Variants in PHF3 observed in about 807,000 individuals in gnomAD.
The protein encoded by PHF3 is PHD finger protein 3.
Under a neutral mutation model 178.4 loss-of-function variants are expected in PHF3, and 41 were observed. The observed-to-expected ratio is 0.23, with a 90% CI of 0.18 to 0.30. PHF3 has a LOEUF of 0.30. PHF3 is among the 10% of genes least tolerant of loss of function. PHF3 has a pLI of 1.00. For missense variants in PHF3, 2,346 were observed against 2,398.1 expected, an observed-to-expected ratio of 0.98 and a Z score of 0.45; for synonymous variants, 842 against 800.5, an observed-to-expected ratio of 1.05 and a Z score of -0.88.
chr6:63,716,585 C>T lies in PHF3; in HGVS notation c.*2877C>T, dbSNP rs983770851. On this transcript the variant is annotated 3_prime_UTR_variant, in exon 16 of 16. Coordinates refer to ENST00000262043, the MANE Select transcript of PHF3 (RefSeq NM_001370348.2). ...CACACAAATTTATGATCTTACGGTT[C>T]TGTGGATCAGAAGTCTGTGCAGATC... Among the ~76,000 whole-genome samples, 5 of 152,064 alleles carry T rather than the reference C, an allele frequency of 3.3e-5. No individual in the cohort carries two copies. Among genetic ancestry groups the T allele is most frequent in the African/African-American group, 9.7e-5 (4 of 41,422 alleles).
chr6:63,686,309 A>C lies in PHF3; in HGVS notation c.2189+398A>C, dbSNP rs1204836419. ...TGAGAAGAACTAGTAATAAAGTATG[A>C]AGGTCATAATGGAAATTCTATTTTT... On this transcript the variant is annotated intron_variant, in intron 4 of 15. Coordinates refer to ENST00000262043, the MANE Select transcript of PHF3 (RefSeq NM_001370348.2). 9 of 165,314 alleles carry C rather than the reference A, an allele frequency of 5.4e-5. No individual in the cohort carries two copies. In the East Asian group the frequency reaches 1.5e-3, roughly 28 times the overall value. The allele number at this position is 165,314 out of a possible 1,614,324, so 10.2% of individuals were successfully genotyped here. A position where few individuals can be genotyped will look rare whatever the true frequency, so the allele number is the denominator to read the frequency against.
chr6:63,636,280 C>T (rs982771787), intron 1 of PHF3, 130 bp downstream of exon 1: 1 of 240,024 alleles, frequency 4.2e-6, no homozygotes, highest in Non-Finnish European at 8.0e-6. Flanking sequence ...TTTTCTCCCG[C>T]GCAGCCGAGA....
rs192014333 is a variant in PHF3 at position 63,691,384 on chromosome 6, C to A, written c.2190-353C>A. ...TGAAATTATTACCAAGATCTTACCACCCTTCTCAGTGGATAAATTTATTGT... is the reference window on the plus strand; with the variant it reads ...TGAAATTATTACCAAGATCTTACCAACCTTCTCAGTGGATAAATTTATTGT... On this transcript the variant is annotated intron_variant, in intron 4 of 15. Transcript: ENST00000262043. Among the ~76,000 whole-genome samples, 69 of 152,146 alleles carry A rather than the reference C, an allele frequency of 4.5e-4. 1 individual carries two copies. Among genetic ancestry groups the A allele is most frequent in the Admixed American group, 2.3e-3 (35 of 15,292 alleles).
intron 1 of PHF3, among the ~76,000 whole-genome samples, chr6:63,637,733 A>T (rs1764406667): frequency 6.6e-6 from 1 of 152,162 alleles, no homozygotes; most frequent in African/African-American, 2.4e-5. Context: ...TTTAGGAGTG[A>T]TGATTCCTCT....
At chr6:63,657,659 C>T (rs1051347357) in intron 2 of PHF3, among the ~76,000 whole-genome samples, 13 of 152,112 alleles carry the variant, frequency 8.5e-5, no homozygotes, top group African/African-American at 2.9e-4. Flanking sequence ...GTCTTGCTGT[C>T]GCACAGGTGG....
intron 2 of PHF3, among the ~76,000 whole-genome samples, chr6:63,666,417 A>AAT (rs1491364698): frequency 3.3e-5 from 5 of 151,712 alleles, no homozygotes; most frequent in Admixed American, 6.6e-5. Flanking sequence ...AATAATCTTT[A>AAT]ATATATATAT....
chr6:63,649,667 G>C (rs114582107), intron 2 of PHF3, among the ~76,000 whole-genome samples: 1,631 of 152,280 alleles, frequency 0.011, 20 homozygotes, highest in African/African-American at 0.038. Flanking sequence ...TGCTCTGTTG[G>C]ATACACAAAA....
At position 63,716,660 on chromosome 6, in the gene PHF3, C is replaced by T. The variant is rs1768198675; in HGVS notation, c.*2952C>T. ...GCAAGATGCATTCATTTTCTGGAGA[C>T]TTTCAGGGAGATTCCTTTTTTTTTG... is the stretch of plus-strand genomic sequence containing the variant. On this transcript the variant is annotated 3_prime_UTR_variant, in exon 16 of 16. Coordinates refer to ENST00000262043, the MANE Select transcript of PHF3 (RefSeq NM_001370348.2). 6.6e-6 allele frequency among the ~76,000 whole-genome samples: 1 copy of T among 151,920 alleles called. No individual in the cohort carries two copies. The highest frequency in any genetic ancestry group is 2.1e-4 in the South Asian group (1 of 4,814).
intron 2 of PHF3, among the ~76,000 whole-genome samples, chr6:63,656,087 A>G (rs1375770503): frequency 6.6e-6 from 1 of 152,234 alleles, no homozygotes; most frequent in East Asian, 1.9e-4. Flanking sequence ...CTAAAGTATC[A>G]CTTTATAAAT....
In PHF3 at chr6:63,685,512, G is replaced by A; in HGVS notation, c.1790G>A (p.Ser597Asn). 1 of 1,614,094 alleles carries A rather than the reference G, an allele frequency of 6.2e-7. No homozygotes were observed. Among genetic ancestry groups the A allele is most frequent in the Non-Finnish European group, 8.5e-7 (1 of 1,180,018 alleles). Residue 597 changes from serine to asparagine, a missense_variant, in exon 4 of 16, where the codon AGT becomes AAT. Physicochemically the swap from Ser to Asn is conservative, Grantham distance 46. Coordinates refer to ENST00000262043, the MANE Select transcript of PHF3 (RefSeq NM_001370348.2). ...QIFKPLTHSL[S>N]DKSHAHPGCL... Reference sequence around the variant, plus strand: ...TTCAAGCCCTTAACTCATTCTTTGAGTGATAAGTCACACGCTCATCCTGGT... The same window carrying A: ...TTCAAGCCCTTAACTCATTCTTTGAATGATAAGTCACACGCTCATCCTGGT...
intron 2 of PHF3, among the ~76,000 whole-genome samples, chr6:63,658,973 A>C (rs780737414): frequency 6.6e-6 from 1 of 152,040 alleles, no homozygotes; most frequent in Non-Finnish European, 1.5e-5. Flanking sequence ...GAAGACCTTT[A>C]CCTAATTGAT....
chr6:63,652,835 G>A (rs1765072758), intron 2 of PHF3, among the ~76,000 whole-genome samples: 2 of 151,960 alleles, frequency 1.3e-5, no homozygotes, highest in African/African-American at 4.8e-5. Flanking sequence ...AAAATCAGTT[G>A]GTTATAAATA....
chr6:63,673,871 A>G (rs1582050231), intron 2 of PHF3, among the ~76,000 whole-genome samples: 1 of 152,208 alleles, frequency 6.6e-6, no homozygotes, highest in African/African-American at 2.4e-5. Context: ...ACAGGAGCCA[A>G]GTATTTCACC....
intron 2 of PHF3, among the ~76,000 whole-genome samples, chr6:63,650,976 A>G (rs1350320182): frequency 2.6e-5 from 4 of 152,156 alleles, no homozygotes; most frequent in Non-Finnish European, 5.9e-5. Flanking sequence ...AACTACACAT[A>G]TAAGTTCATT....
At chr6:63,642,518 C>G (rs1466754753) in intron 1 of PHF3, among the ~76,000 whole-genome samples, 1 of 152,170 alleles carries the variant, frequency 6.6e-6, no homozygotes, top group Non-Finnish European at 1.5e-5. Flanking sequence ...AGATTATTCA[C>G]TTATATACTT....
chr6:63,646,866 TTTC>T (rs1764811158), intron 2 of PHF3, 71 bp downstream of exon 2: 9 of 1,099,380 alleles, frequency 8.2e-6, no homozygotes, highest in Non-Finnish European at 1.0e-5. Context: ...TCAGCAGCTT[TTTC>T]TTTTTTCTTT....
intron 6 of PHF3, among the ~76,000 whole-genome samples, chr6:63,696,816 G>A (rs778342859): frequency 1.2e-4 from 18 of 152,116 alleles, no homozygotes; most frequent in Non-Finnish European, 2.5e-4. Flanking sequence ...TAGCAAAATG[G>A]AAATCACTGG....
chr6:63,678,004 C>T (rs1766249730), intron 2 of PHF3, among the ~76,000 whole-genome samples: 1 of 152,066 alleles, frequency 6.6e-6, no homozygotes, highest in Non-Finnish European at 1.5e-5. Context: ...AGACGGATCA[C>T]CTGAGGTCAG....
rs1236639318 is a variant in PHF3 at position 63,720,921 on chromosome 6, C to T, written c.*7213C>T. 2 of 1,551,138 alleles carry T rather than the reference C, an allele frequency of 1.3e-6. No homozygotes were observed. The highest frequency in any genetic ancestry group is 1.2e-5 in the South Asian group (1 of 84,052). On this transcript the variant is annotated 3_prime_UTR_variant, in exon 16 of 16. Coordinates refer to ENST00000262043, the MANE Select transcript of PHF3 (RefSeq NM_001370348.2). The stretch of plus-strand genomic sequence containing the variant: ...GTGCCATTTATTACAACAGAATGTG[C>T]CATTGTTATAGCTCATAGGCACAGA...
Sources: gnomAD v4.1 joint callset for allele counts (sites outside exome capture counted in the v4.1 genomes callset) on GRCh38, gnomAD v4.1.1 for gene constraint, MANE v1.5 for transcripts, NCBI Gene and HGNC (gene_info 2026-07-23, HGNC 2026-07-21) for gene names.